Variants in RABGAP1L observed in about 807,000 individuals in gnomAD.
RABGAP1L encodes RAB GTPase activating protein 1 like.
RABGAP1L carries 63 observed loss-of-function variants against 137.7 expected under a neutral mutation model. The ratio of observed to expected loss-of-function variants is 0.46; its 90% CI spans 0.37 to 0.56. RABGAP1L has a LOEUF of 0.56. Ranked by LOEUF, RABGAP1L falls within the 20% of genes least tolerant of loss-of-function variation. RABGAP1L has a pLI of 0.00. For synonymous variants in RABGAP1L, 431 were observed against 433.7 expected (o/e 0.99, Z 0.08); for missense variants, 1,095 against 1,244.0 (o/e 0.88, Z 1.80).
At chr1:174,561,224 CAGAG>C (rs775088740) in intron 13 of RABGAP1L, among the ~76,000 whole-genome samples, 1 of 152,144 alleles carries the variant, frequency 6.6e-6, no homozygotes, top group East Asian at 1.9e-4. Flanking sequence ...GCACCAAAAA[CAGAG>C]AGCCAAATCA....
chr1:174,555,855 G>T (rs1666845027), intron 13 of RABGAP1L, among the ~76,000 whole-genome samples: 1 of 152,080 alleles, frequency 6.6e-6, no homozygotes, highest in South Asian at 2.1e-4. Flanking sequence ...AAGTGACTAT[G>T]TCAGTTTGTT....
chr1:174,462,671 A>G (rs1002647755), intron 13 of RABGAP1L, among the ~76,000 whole-genome samples: 21 of 151,882 alleles, frequency 1.4e-4, no homozygotes, highest in African/African-American at 4.8e-4. Flanking sequence ...TAGTTTTTCA[A>G]CCCTCATCCC....
At chr1:174,692,383 A>C (rs912288872) in intron 15 of RABGAP1L, among the ~76,000 whole-genome samples, 4 of 152,222 alleles carry the variant, frequency 2.6e-5, no homozygotes, top group African/African-American at 4.8e-5. Flanking sequence ...AGTGCCACTT[A>C]TGATCAGTTT....
At chr1:174,616,509 A>G (rs1671889693) in intron 13 of RABGAP1L, among the ~76,000 whole-genome samples, 1 of 152,206 alleles carries the variant, frequency 6.6e-6, no homozygotes, top group Non-Finnish European at 1.5e-5. Context: ...GTAAATAAGA[A>G]TTGGTCATGG....
intron 13 of RABGAP1L, among the ~76,000 whole-genome samples, chr1:174,425,352 A>G (rs1003921685): frequency 6.6e-6 from 1 of 152,006 alleles, no homozygotes; most frequent in Non-Finnish European, 1.5e-5. Flanking sequence ...TTCAGGTGGT[A>G]AGCATGTCAC....
At chr1:174,282,521 C>A (rs1174224850) in intron 10 of RABGAP1L, among the ~76,000 whole-genome samples, 1 of 152,016 alleles carries the variant, frequency 6.6e-6, no homozygotes, top group African/African-American at 2.4e-5. Context: ...AATATATTTT[C>A]TTTTGTCAGA....
rs188408053 is a variant in RABGAP1L at position 174,232,425 on chromosome 1, C to T, written c.542+1070C>T. 3.3e-4 allele frequency among the ~76,000 whole-genome samples: 50 copies of T among 149,856 alleles called. 1 individual carries two copies. The East Asian group carries it at 7.7e-3, about 23-fold the overall frequency. ...GCTCAAACTCGGGAGATGGAGGTTGCGGTGAGCCGAGATCATGCCACTGCA... is the reference window on the plus strand; with the variant it reads ...GCTCAAACTCGGGAGATGGAGGTTGTGGTGAGCCGAGATCATGCCACTGCA... On this transcript the variant is annotated intron_variant, in intron 4 of 25. Coordinates refer to ENST00000681986, the MANE Select transcript of RABGAP1L (RefSeq NM_001366446.1).
chr1:174,613,611 T>C (rs1365272638), intron 13 of RABGAP1L, among the ~76,000 whole-genome samples: 1 of 152,178 alleles, frequency 6.6e-6, no homozygotes, highest in Non-Finnish European at 1.5e-5. Context: ...CTGGATATCC[T>C]TGTTAACTTT....
intron 13 of RABGAP1L, among the ~76,000 whole-genome samples, chr1:174,561,725 C>A (rs1156416080): frequency 6.6e-6 from 1 of 152,176 alleles, no homozygotes; most frequent in East Asian, 1.9e-4. Context: ...AACATCTGAT[C>A]TTTGACAAAC....
chr1:174,619,497 A>G (rs985129975), intron 13 of RABGAP1L, among the ~76,000 whole-genome samples: 5 of 152,220 alleles, frequency 3.3e-5, no homozygotes, highest in Admixed American at 2.0e-4. Context: ...ACATTCTTAA[A>G]GAAAAGAATT....
rs16847226 is a variant in RABGAP1L, at chr1:174,583,944, T to C, written c.1711-53431T>C. Among the ~76,000 whole-genome samples, 815 of 152,242 alleles carry C rather than the reference T, an allele frequency of 5.4e-3. 11 individuals carry two copies. Among genetic ancestry groups the C allele is most frequent in the African/African-American group, 0.019 (770 of 41,540 alleles). On this transcript the variant is annotated intron_variant, in intron 13 of 25. Transcript: ENST00000681986. Reference sequence around the variant, plus strand: ...ATGAAGAAAACAAAGCTTGGCGACATTGAGTAACTTGTCTAAGAGTATACA... The same window carrying C: ...ATGAAGAAAACAAAGCTTGGCGACACTGAGTAACTTGTCTAAGAGTATACA...
intron 13 of RABGAP1L, 97 bp from the exon 14 acceptor site, chr1:174,637,278 A>G (rs1674135387): frequency 3.8e-6 from 3 of 798,806 alleles, no homozygotes; most frequent in South Asian, 3.6e-5. Flanking sequence ...TCTGTTGTTT[A>G]CTTTTCTTGC....
chr1:174,528,088 T>C (rs1664067400), intron 13 of RABGAP1L, among the ~76,000 whole-genome samples: 2 of 152,114 alleles, frequency 1.3e-5, no homozygotes, highest in Admixed American at 1.3e-4. Context: ...AGTCATTTTT[T>C]TAATTCATTC....
chr1:174,941,985 T>C (rs925615905), intron 19 of RABGAP1L, among the ~76,000 whole-genome samples: 2 of 152,226 alleles, frequency 1.3e-5, no homozygotes, highest in African/African-American at 4.8e-5. Flanking sequence ...ACAGTAGATA[T>C]TTATTATAAT....
chr1:174,670,807 G>C (rs1677123323), intron 14 of RABGAP1L, among the ~76,000 whole-genome samples: 1 of 152,118 alleles, frequency 6.6e-6, no homozygotes, highest in Admixed American at 6.6e-5. Flanking sequence ...GATGGACTCT[G>C]TGTTGCTTCC....
intron 13 of RABGAP1L, among the ~76,000 whole-genome samples, chr1:174,402,176 A>G (rs1260919903): frequency 6.6e-6 from 1 of 152,148 alleles, no homozygotes; most frequent in Non-Finnish European, 1.5e-5. Context: ...CTTCTGTAAT[A>G]TGATTCCCAT....
intron 11 of RABGAP1L, among the ~76,000 whole-genome samples, chr1:174,346,212 T>A (rs529293424): frequency 2.0e-5 from 3 of 152,302 alleles, no homozygotes; most frequent in East Asian, 1.9e-4. Flanking sequence ...TTTTCTTTTT[T>A]AAATGTGTTT....
chr1:174,734,235 T>C (rs928201534), intron 17 of RABGAP1L, among the ~76,000 whole-genome samples: 7 of 152,042 alleles, frequency 4.6e-5, no homozygotes, highest in African/African-American at 9.7e-5. Context: ...AAAACGTTGA[T>C]TTGGGAGTTA....
At chr1:174,867,306 G>A (rs947338666) in intron 19 of RABGAP1L, among the ~76,000 whole-genome samples, 24 of 151,782 alleles carry the variant, frequency 1.6e-4, no homozygotes, top group Admixed American at 1.4e-3. Context: ...GCTTGAACCC[G>A]GGAGGTGGAG....
Sources: gnomAD v4.1 joint callset for allele counts (sites outside exome capture counted in the v4.1 genomes callset) on GRCh38, gnomAD v4.1.1 for gene constraint, MANE v1.5 for transcripts, NCBI Gene and HGNC (gene_info 2026-07-23, HGNC 2026-07-21) for gene names.